DMC1: variants seen among roughly 807,000 people sequenced by gnomAD.
The protein encoded by DMC1 is meiotic recombination protein DMC1 homolog.
DMC1 carries 27 observed loss-of-function variants against 50.1 expected under a neutral mutation model. That is an observed-to-expected ratio of 0.54 (90% CI 0.40 to 0.74). The LOEUF (loss-of-function observed/expected upper bound fraction) is 0.74. Ranked by LOEUF, DMC1 falls within the 30% of genes least tolerant of loss-of-function variation. The pLI is 0.00. For missense variants in DMC1, 295 were observed against 420.2 expected, an observed-to-expected ratio of 0.70 and a Z score of 2.60; for synonymous variants, 148 against 136.1, an observed-to-expected ratio of 1.09 and a Z score of -0.61.
intron 4 of DMC1, 117 bp downstream of exon 4, chr22:38,566,473 T>A: frequency 1.8e-6 from 2 of 1,099,298 alleles, no homozygotes; most frequent in Non-Finnish European, 2.7e-6. Context: ...GGGAGTATAA[T>A]ATACTGTGAT....
At chr22:38,549,180 A>G (rs952054084) in intron 8 of DMC1, among the ~76,000 whole-genome samples, 1 of 152,202 alleles carries the variant, frequency 6.6e-6, no homozygotes, top group Non-Finnish European at 1.5e-5. Flanking sequence ...GATCCCAATC[A>G]TCTTTCTAGC....
intron 5 of DMC1, among the ~76,000 whole-genome samples, chr22:38,558,786 G>C (rs541958821): frequency 2.0e-5 from 3 of 152,224 alleles, no homozygotes; most frequent in East Asian, 3.9e-4. Flanking sequence ...CAAACATCAA[G>C]GGCACCAGAA....
intron 11 of DMC1, 68 bp from the exon 12 acceptor site, chr22:38,537,720 A>G (rs2090231028): frequency 2.4e-6 from 3 of 1,239,752 alleles, no homozygotes; most frequent in Non-Finnish European, 3.6e-6. Flanking sequence ...TTCATTGTTT[A>G]GATTTCAGAG....
intron 4 of DMC1, 61 bp downstream of exon 4, chr22:38,566,529 A>G (rs1464170244): frequency 1.3e-6 from 2 of 1,582,500 alleles, no homozygotes; most frequent in Non-Finnish European, 1.7e-6. Flanking sequence ...TTCATGAGAA[A>G]GCCTATAAAG....
In DMC1 at chr22:38,520,028, T is replaced by C; in HGVS notation, c.1015A>G (p.Lys339Glu). The change falls in exon 14 of 14, where the codon AAG (lysine) becomes GAG (glutamate). Residue 339 changes from lysine to glutamate, a missense_variant. Coordinates refer to ENST00000216024, the MANE Select transcript of DMC1 (RefSeq NM_007068.4). ...TTGCATCAATTCACCACCTACTCCT[T>C]GGCATCCCCAATTCCTCCAGCAGTT... ...AITAGGIGDA[K>E]E is the part of the protein sequence containing the mutation. The C allele has an allele frequency of 6.2e-7, 1 of 1,613,596 alleles. No individual in the cohort carries two copies. The highest frequency in any genetic ancestry group is 8.5e-7 in the Non-Finnish European group (1 of 1,179,620).
chr22:38,535,609 T>C (rs1033845808), intron 12 of DMC1, among the ~76,000 whole-genome samples: 4 of 148,476 alleles, frequency 2.7e-5, no homozygotes, highest in Non-Finnish European at 6.0e-5. Flanking sequence ...AAAAAAATCT[T>C]TTTTTTTTTT....
chr22:38,539,911 T>C (rs928762600), intron 8 of DMC1, among the ~76,000 whole-genome samples: 1 of 152,186 alleles, frequency 6.6e-6, no homozygotes, highest in African/African-American at 2.4e-5. Context: ...ACTCTCTTCA[T>C]ACCCCTCATT....
At chr22:38,521,757 C>T (rs1244609338) in intron 12 of DMC1, 33 bp from the exon 13 acceptor site, 34 of 1,438,030 alleles carry the variant, frequency 2.4e-5, no homozygotes, top group Non-Finnish European at 3.1e-5. Flanking sequence ...CAGGTTTCAT[C>T]ATATGGACTA....
intron 5 of DMC1, among the ~76,000 whole-genome samples, chr22:38,558,154 G>C (rs936933459): frequency 1.3e-5 from 2 of 150,954 alleles, no homozygotes; most frequent in Non-Finnish European, 3.0e-5. Context: ...TAGAGACAGG[G>C]TGATCCTGTC....
In DMC1 at chr22:38,518,971, T is replaced by C. The variant is rs2089995471; in HGVS notation, c.*1049A>G. On this transcript the variant is annotated 3_prime_UTR_variant, in exon 14 of 14. Coordinates refer to ENST00000216024, the MANE Select transcript of DMC1 (RefSeq NM_007068.4). The stretch of plus-strand genomic sequence containing the variant: ...CATGCATTTTGAAAACAGGATTTTA[T>C]TTGTTTAACAATCAAAATAATATCT... 1 of 152,558 alleles carries C rather than the reference T, an allele frequency of 6.6e-6. No homozygotes were observed. Among genetic ancestry groups the C allele is most frequent in the African/African-American group, 2.4e-5 (1 of 41,418 alleles). The allele number at this position is 152,558 out of a possible 1,614,324, so 9.5% of individuals were successfully genotyped here. A position where few individuals can be genotyped will look rare whatever the true frequency, so the allele number is the denominator to read the frequency against.
chr22:38,540,228 T>G lies in DMC1; in HGVS notation c.495-816A>C, dbSNP rs2090265633. 2.0e-5 allele frequency among the ~76,000 whole-genome samples: 3 copies of G among 152,324 alleles called. No homozygotes were observed. In the South Asian group the frequency reaches 6.2e-4, roughly 32 times the overall value. ...ACCTAGCTAATTTTTGTATTTTTAG[T>G]GGAGACGGGGTTTCACCATGTTGGC... On this transcript the variant is annotated intron_variant, in intron 8 of 13. Coordinates refer to ENST00000216024, the MANE Select transcript of DMC1 (RefSeq NM_007068.4).
chr22:38,525,198 T>C (rs979283076), intron 12 of DMC1, among the ~76,000 whole-genome samples: 1 of 152,218 alleles, frequency 6.6e-6, no homozygotes, highest in Non-Finnish European at 1.5e-5. Flanking sequence ...GCCTATAATA[T>C]ACAGGGTACT....
At chr22:38,517,010 C>T (rs1458143155), downstream of DMC1, among the ~76,000 whole-genome samples, 1 of 151,928 alleles carries the variant, frequency 6.6e-6, no homozygotes, top group Non-Finnish European at 1.5e-5. Context: ...TTTTTTGAGA[C>T]CAGGTTTCAC....
chr22:38,563,797 T>G (rs2090553657), intron 4 of DMC1, among the ~76,000 whole-genome samples: 2 of 152,054 alleles, frequency 1.3e-5, no homozygotes, highest in Non-Finnish European at 2.9e-5. Flanking sequence ...CCTCCTGGGT[T>G]CACGCCATTC....
chr22:38,517,429 C>T (rs1292582094), downstream of DMC1, among the ~76,000 whole-genome samples: 1 of 151,950 alleles, frequency 6.6e-6, no homozygotes, highest in Non-Finnish European at 1.5e-5. Context: ...AATTAGCGAG[C>T]ATTGTGGTGG....
At chr22:38,540,701 G>A (rs2090271536) in intron 8 of DMC1, among the ~76,000 whole-genome samples, 1 of 152,152 alleles carries the variant, frequency 6.6e-6, no homozygotes, top group Non-Finnish European at 1.5e-5. Flanking sequence ...TGTTGTTAGA[G>A]CTTTGGTGAC....
intron 2 of DMC1, 113 bp downstream of exon 2, chr22:38,568,093 T>A: frequency 1.1e-6 from 1 of 944,358 alleles, no homozygotes; most frequent in Non-Finnish European, 1.7e-6. Flanking sequence ...TTGCAATATA[T>A]AACTATGTGT....
At chr22:38,561,303 C>T (rs945791630) in intron 5 of DMC1, among the ~76,000 whole-genome samples, 8 of 152,088 alleles carry the variant, frequency 5.3e-5, no homozygotes, top group Admixed American at 1.3e-4. Context: ...CCACTGCACC[C>T]GGCCAGGTGA....
chr22:38,566,446 G>A, intron 4 of DMC1, 144 bp downstream of exon 4: 1 of 864,948 alleles, frequency 1.2e-6, no homozygotes, highest in Non-Finnish European at 1.9e-6. Context: ...AAACTGAAGT[G>A]ATAAAAAGTT....
Sources: allele counts gnomAD v4.1 joint callset (sites outside exome capture counted in the v4.1 genomes callset), GRCh38; gene constraint gnomAD v4.1.1; transcripts MANE v1.5; gene names NCBI Gene and HGNC (gene_info 2026-07-23, HGNC 2026-07-21).